Variants in SLC9A7 observed in about 807,000 individuals in gnomAD.
SLC9A7 encodes the protein sodium/hydrogen exchanger 7.
In SLC9A7, 19 loss-of-function variants were observed where a neutral mutation model predicts 52.6. That is an observed-to-expected ratio of 0.36 (90% confidence interval 0.25 to 0.53). The LOEUF (loss-of-function observed/expected upper bound fraction) is 0.53, where lower values mean the gene tolerates loss of function less well. Among genes scored for constraint, SLC9A7 ranks in the 20% least tolerant of loss-of-function variants. The pLI is 0.91. For missense variants in SLC9A7, 455 were observed against 597.9 expected, an observed-to-expected ratio of 0.76 and a Z score of 2.49; for synonymous variants, 226 against 252.1, an observed-to-expected ratio of 0.90 and a Z score of 0.98.
intron 3 of SLC9A7, among the ~76,000 whole-genome samples, chrX:46,674,834 C>G (rs747127957): frequency 2.9e-4 from 32 of 111,504 alleles, no homozygotes; most frequent in African/African-American, 9.8e-4. Context: ...ATGGCATGCC[C>G]TGGCAAAGTC....
At chrX:46,726,901 AC>A (rs1257006914) in intron 1 of SLC9A7, among the ~76,000 whole-genome samples, 7 of 111,021 alleles carry the variant, frequency 6.3e-5, no homozygotes, top group African/African-American at 2.0e-4. Context: ...AATCTTTTAT[AC>A]CACCCTCAGG....
At chrX:46,652,924 C>T (rs1943607126) in intron 8 of SLC9A7, among the ~76,000 whole-genome samples, 1 of 111,566 alleles carries the variant, frequency 9.0e-6, no homozygotes, top group Admixed American at 9.5e-5. Flanking sequence ...GCAAAATCAC[C>T]CTTTAAAGGA....
intron 13 of SLC9A7, among the ~76,000 whole-genome samples, 171 bp from the exon 14 acceptor site, chrX:46,631,820 C>T (rs1286540687): frequency 1.8e-5 from 2 of 111,770 alleles, no homozygotes; most frequent in East Asian, 2.8e-4. Context: ...AGAAAGAGGT[C>T]GCATACCACT....
intron 1 of SLC9A7, among the ~76,000 whole-genome samples, chrX:46,739,152 T>G (rs1921131507): frequency 9.0e-6 from 1 of 111,680 alleles, no homozygotes; most frequent in African/African-American, 3.3e-5. Flanking sequence ...ATGAGAAATT[T>G]GTCATAATTA....
chrX:46,662,490 T>C (rs774643680), intron 6 of SLC9A7, 48 bp downstream of exon 6: 24 of 951,547 alleles, frequency 2.5e-5, no homozygotes, highest in South Asian at 4.1e-5. Flanking sequence ...GCCCAAAGCA[T>C]AGAGGAAACT....
At chrX:46,722,158 C>T (rs1047420398) in intron 1 of SLC9A7, among the ~76,000 whole-genome samples, 2 of 111,107 alleles carry the variant, frequency 1.8e-5, no homozygotes, top group African/African-American at 6.6e-5. Context: ...CTTAATAGCA[C>T]GTTGCCCCCA....
At chrX:46,611,730 G>A (rs1942853076) in intron 16 of SLC9A7, among the ~76,000 whole-genome samples, 1 of 112,275 alleles carries the variant, frequency 8.9e-6, no homozygotes, top group African/African-American at 3.2e-5. Context: ...GACACACAGA[G>A]CTCTCTGCAG....
chrX:46,739,216 G>A (rs552940071), intron 1 of SLC9A7, among the ~76,000 whole-genome samples: 3 of 111,376 alleles, frequency 2.7e-5, no homozygotes, highest in African/African-American at 9.8e-5. Flanking sequence ...CTTGTGCCTC[G>A]ATACCTGATT....
At chrX:46,687,171 T>C (rs191158090) in intron 1 of SLC9A7, among the ~76,000 whole-genome samples, 38 of 112,236 alleles carry the variant, frequency 3.4e-4, no homozygotes, top group African/African-American at 1.1e-3. Context: ...TGAGGTTTAA[T>C]TCTAGACAGC....
intron 13 of SLC9A7, among the ~76,000 whole-genome samples, chrX:46,633,418 C>CT (rs1231226712): frequency 1.5e-5 from 1 of 67,849 alleles, no homozygotes; most frequent in Non-Finnish European, 2.7e-5. Flanking sequence ...ATGTTTTGCA[C>CT]TTTTTTTCCC....
chrX:46,669,914 GCTGA>G (rs1335399946), intron 4 of SLC9A7, among the ~76,000 whole-genome samples, 195 bp from the exon 5 acceptor site: 1,706 of 112,418 alleles, frequency 0.015, 31 homozygotes, highest in African/African-American at 0.041. Context: ...ATGTCATCTT[GCTGA>G]AATATCTGAA....
intron 1 of SLC9A7, among the ~76,000 whole-genome samples, chrX:46,692,913 C>G (rs147247502): frequency 0.011 from 1,251 of 110,583 alleles, 17 homozygotes; most frequent in African/African-American, 0.039. Flanking sequence ...TCTCAGGCCC[C>G]TTTTATTATG....
In SLC9A7 at chrX:46,641,953, CTTATTA is replaced by C. The variant is rs756284137; in HGVS notation, c.1616+1277_1616+1282del. On this transcript the variant is annotated intron_variant, in intron 12 of 16. Transcript: ENST00000616978. Reference sequence around the variant, plus strand: ...AACAATGCCTGCAACGTAAGTGTTACTTATTATTATGACTAACACTGATAAACCCCA... The same window carrying C: ...AACAATGCCTGCAACGTAAGTGTTACTTATGACTAACACTGATAAACCCCA... 8.0e-5 allele frequency among the ~76,000 whole-genome samples: 9 copies of C among 112,322 alleles called. No individual in the cohort carries two copies. In the East Asian group the frequency reaches 2.2e-3, roughly 28 times the overall value.
intron 1 of SLC9A7, among the ~76,000 whole-genome samples, chrX:46,698,690 T>C (rs1269668739): frequency 8.9e-6 from 1 of 112,203 alleles, no homozygotes; most frequent in African/African-American, 3.2e-5. Context: ...TTCCAGTGCC[T>C]AAACACCTTT....
At chrX:46,725,085 A>G in intron 1 of SLC9A7, 1 of 532,623 alleles carries the variant, frequency 1.9e-6, no homozygotes, top group Non-Finnish European at 3.4e-6. Flanking sequence ...TTAATTTGGA[A>G]AGATAAATAT....
intron 1 of SLC9A7, among the ~76,000 whole-genome samples, chrX:46,721,581 C>T (rs746607369): frequency 9.0e-6 from 1 of 111,442 alleles, no homozygotes; most frequent in South Asian, 3.8e-4. Flanking sequence ...AATTCAATTC[C>T]CTGTGGGGTT....
At chrX:46,723,959 G>A (rs1944903819) in intron 1 of SLC9A7, among the ~76,000 whole-genome samples, 1 of 111,697 alleles carries the variant, frequency 9.0e-6, no homozygotes, top group East Asian at 2.8e-4. Flanking sequence ...TGGGCGTGAT[G>A]GCGCACGCCT....
intron 4 of SLC9A7, 121 bp downstream of exon 4, chrX:46,672,430 G>A (rs1192844148): frequency 2.6e-5 from 13 of 501,190 alleles, no homozygotes; most frequent in Non-Finnish European, 4.1e-5. Context: ...ACTGAACGGT[G>A]TAACTCTTGA....
intron 1 of SLC9A7, among the ~76,000 whole-genome samples, chrX:46,750,441 G>A (rs1922153748): frequency 1.8e-5 from 2 of 112,056 alleles, no homozygotes; most frequent in African/African-American, 3.2e-5. Context: ...TGACCTCCCA[G>A]GCTCAAGCAA....
Sources: gnomAD v4.1 joint callset for allele counts (sites outside exome capture counted in the v4.1 genomes callset) on GRCh38, gnomAD v4.1.1 for gene constraint, MANE v1.5 for transcripts, NCBI Gene and HGNC (gene_info 2026-07-23, HGNC 2026-07-21) for gene names.